CXCL11: variants seen among roughly 807,000 people sequenced by gnomAD.
CXCL11 encodes C-X-C motif chemokine 11.
In CXCL11, 7 loss-of-function variants were observed where a neutral mutation model predicts 9.7. That is an observed-to-expected ratio of 0.72 (90% CI 0.41 to 1.36). The LOEUF is 1.36. Among genes scored for constraint, CXCL11 ranks in the 40% most tolerant of loss-of-function variants. CXCL11 has a pLI of 0.01. For synonymous variants in CXCL11, 35 were observed against 34.4 expected (o/e 1.02, Z -0.06); for missense variants, 107 against 113.4 (o/e 0.94, Z 0.26).
intron 1 of CXCL11, 113 bp from the exon 2 acceptor site, chr4:76,035,455 T>G: frequency 9.4e-7 from 1 of 1,061,278 alleles, no homozygotes; most frequent in East Asian, 2.6e-5. Flanking sequence ...AGATAGTAAT[T>G]TGTCAAATAG....
rs773420418 is a variant in CXCL11, at chr4:76,035,278, C to T, written c.126G>A (p.Val42=). Residue 42 remains valine, a synonymous_variant, in exon 2 of 4, where the codon GTG becomes GTA. Coordinates refer to ENST00000306621, the MANE Select transcript of CXCL11 (RefSeq NM_005409.5). ...CIGPGVKAVK[V]ADIEKASIMY... is the part of the protein sequence containing the mutation. The stretch of plus-strand genomic sequence containing the variant: ...TTATGGAGGCTTTCTCAATATCTGC[C>T]ACTTTCACTGCTTTTACCCCAGGGC... 40 of 1,613,940 alleles carry T rather than the reference C, an allele frequency of 2.5e-5. No homozygotes were observed. Among genetic ancestry groups the T allele is most frequent in the Non-Finnish European group, 3.3e-5 (39 of 1,179,942 alleles).
In CXCL11 at chr4:76,034,811, A is replaced by G. The variant is rs779814819; in HGVS notation, c.267T>C (p.Val89=). ...GATATTTTTAAAAATTCTTTCTTTC[A>G]ACTTTCTGGAATAAGAAAACAAGAG... The part of the protein sequence containing the change: ...SKQARLIIKK[V]ERKNF The change falls in exon 4 of 4, where the codon GTT becomes GTC. Residue 89 remains valine, a synonymous_variant. Transcript: ENST00000306621. 3.9e-6 allele frequency: 6 copies of G among 1,554,420 alleles called. No individual in the cohort carries two copies. The South Asian group carries it at 6.8e-5, about 18-fold the overall frequency.
intron 3 of CXCL11, 104 bp from the exon 4 acceptor site, chr4:76,034,920 C>T (rs1421111156): frequency 2.2e-6 from 3 of 1,341,148 alleles, no homozygotes; most frequent in East Asian, 4.6e-5. Flanking sequence ...AACCAAGGAC[C>T]CCTTAACAGA....
At chr4:76,035,513 T>C (rs2149407469) in intron 1 of CXCL11, among the ~76,000 whole-genome samples, 171 bp from the exon 2 acceptor site, 1 of 152,340 alleles carries the variant, frequency 6.6e-6, no homozygotes, top group Non-Finnish European at 1.5e-5. Context: ...ATGTTGATTA[T>C]TTTCTCATTA....
At chr4:76,035,848 TA>T in intron 1 of CXCL11, 78 bp downstream of exon 1, 1 of 1,281,134 alleles carries the variant, frequency 7.8e-7, no homozygotes, top group Admixed American at 1.9e-5. Context: ...TCATGTCTTT[TA>T]GGATAAAAGT....
In CXCL11 at chr4:76,035,054, A is replaced by T. The variant is rs780541047; in HGVS notation, c.254T>A (p.Ile85Lys). The T allele has an allele frequency of 2.5e-6, 4 of 1,612,972 alleles. No individual in the cohort carries two copies. The highest frequency in any genetic ancestry group is 3.4e-6 in the Non-Finnish European group (4 of 1,178,980). Residue 85 changes from isoleucine to lysine, a missense_variant, in exon 3 of 4, where the codon ATA (isoleucine) becomes AAA (lysine). Coordinates refer to ENST00000306621, the MANE Select transcript of CXCL11 (RefSeq NM_005409.5). ...AGTAATTTGGTAACTTACTTTGATT[A>T]TAAGCCTTGCTTGCTTCGATTTGGG... ...LNPKSKQARL[I>K]IKKVERKNF
Position 76,035,072 on chromosome 4 carries a change from G to T in CXCL11, c.236C>A (p.Ser79Ter). ...TTTGATTATAAGCCTTGCTTGCTTC[G>T]ATTTGGGATTTAGGCATCGTTGTCC... is the stretch of plus-strand genomic sequence containing the variant. ...NKGQRCLNPK[S>*]KQARLIIKKV... The change falls in exon 3 of 4, where the codon TCG (serine) becomes TAG (stop). Residue 79 changes from serine (S) to a stop codon, truncating the protein, a stop_gained. Coordinates refer to ENST00000306621, the MANE Select transcript of CXCL11 (RefSeq NM_005409.5). LOFTEE classifies it high-confidence loss of function. 6.2e-7 allele frequency: 1 copy of T among 1,613,668 alleles called. No individual in the cohort carries two copies. The highest frequency in any genetic ancestry group is 8.5e-7 in the Non-Finnish European group (1 of 1,179,622).
Position 76,034,740 on chromosome 4 carries a change from T to C in CXCL11, c.*53A>G. ...TCATTTCAGTAGTCACAGTTAAACTTGTTCTAGGTTTTTCAGATGCTCTTT... is the reference window on the plus strand; with the variant it reads ...TCATTTCAGTAGTCACAGTTAAACTCGTTCTAGGTTTTTCAGATGCTCTTT... On this transcript the variant is annotated 3_prime_UTR_variant, in exon 4 of 4. Coordinates refer to ENST00000306621, the MANE Select transcript of CXCL11 (RefSeq NM_005409.5). 1 of 1,320,392 alleles carries C rather than the reference T, an allele frequency of 7.6e-7. No homozygotes were observed. The highest frequency in any genetic ancestry group is 1.1e-6 in the Non-Finnish European group (1 of 930,326). 81.8% of individuals were successfully genotyped at this position (1,320,392 alleles called of 1,614,324 possible).
chr4:76,036,041 C>A lies in CXCL11; in HGVS notation c.-54G>T. 1 of 1,556,626 alleles carries A rather than the reference C, an allele frequency of 6.4e-7. No individual in the cohort carries two copies. The highest frequency in any genetic ancestry group is 8.8e-7 in the Non-Finnish European group (1 of 1,130,128). On this transcript the variant is annotated 5_prime_UTR_variant, in exon 1 of 4. Coordinates refer to ENST00000306621, the MANE Select transcript of CXCL11 (RefSeq NM_005409.5). ...TGCTGCTGCTACTTCAGCTTTGCTG[C>A]TCTTCTTGGAAGGAGTAGAAATGCT...
In CXCL11 at chr4:76,034,108, C is replaced by A; in HGVS notation, c.*685G>T. 1 of 214,060 alleles carries A rather than the reference C, an allele frequency of 4.7e-6. No homozygotes were observed. Among genetic ancestry groups the A allele is most frequent in the Non-Finnish European group, 9.1e-6 (1 of 109,960 alleles). The allele number at this position is 214,060 out of a possible 1,614,324, so 13.3% of individuals were successfully genotyped here. A position where few individuals can be genotyped will look rare whatever the true frequency, so the allele number is the denominator to read the frequency against. On this transcript the variant is annotated 3_prime_UTR_variant, in exon 4 of 4. Transcript: ENST00000306621. ...GTATCCCATAGCGTATAATTTTTTT[C>A]ATAGTACATTTTATGAATTACATTT... is the stretch of plus-strand genomic sequence containing the variant.
rs752489277 is a variant in CXCL11, at chr4:76,036,001, TG to T, written c.-15del. 26 of 1,613,290 alleles carry T rather than the reference TG, an allele frequency of 1.6e-5. No homozygotes were observed. The highest frequency in any genetic ancestry group is 6.7e-5 in the Admixed American group (4 of 59,878). ...CTTCACACTCATGTTTGTTTTTTGC[TG>T]TTGCTGCTGGTGCTGCTGCTGCTAC... On this transcript the variant is annotated 5_prime_UTR_variant, in exon 1 of 4. Transcript: ENST00000306621.
chr4:76,034,098 T>C lies in CXCL11; in HGVS notation c.*695A>G, dbSNP rs1163166771. The C allele has an allele frequency of 1.5e-5, 3 of 201,346 alleles. No individual in the cohort carries two copies. The highest frequency in any genetic ancestry group is 3.0e-5 in the Non-Finnish European group (3 of 101,550). The allele number at this position is 201,346 out of a possible 1,614,324, so 12.5% of individuals were successfully genotyped here. ...ACTTTTGCCAGTATCCCATAGCGTATAATTTTTTTCATAGTACATTTTATG... is the reference window on the plus strand; with the variant it reads ...ACTTTTGCCAGTATCCCATAGCGTACAATTTTTTTCATAGTACATTTTATG... On this transcript the variant is annotated 3_prime_UTR_variant, in exon 4 of 4. Transcript: ENST00000306621.
At chr4:76,035,484 C>G in intron 1 of CXCL11, 142 bp from the exon 2 acceptor site, 3 of 731,946 alleles carry the variant, frequency 4.1e-6, no homozygotes, top group Non-Finnish European at 6.4e-6. Flanking sequence ...ACAACTGTTA[C>G]TGGGAAAAGT....
chr4:76,035,876 G>T, intron 1 of CXCL11, 51 bp downstream of exon 1: 1 of 1,492,474 alleles, frequency 6.7e-7, no homozygotes, highest in Non-Finnish European at 9.3e-7. Flanking sequence ...AAAGACATTT[G>T]AAACATTAGA....
rs1162128182 is a variant in CXCL11 at position 76,035,970 on chromosome 4, C to CA, written c.17dup (p.Met6IlefsTer41). On this transcript the variant is annotated frameshift_variant, in exon 1 of 4. Coordinates refer to ENST00000306621, the MANE Select transcript of CXCL11 (RefSeq NM_005409.5). LOFTEE classifies it high-confidence loss of function. ...ACAATATCACAGCCAAGGCTATAGC[C>CA]ATGCCCTTCACACTCATGTTTGTTT... The CA allele has an allele frequency of 2.5e-6, 4 of 1,613,822 alleles. No homozygotes were observed. The African/African-American group carries it at 5.3e-5, about 22-fold the overall frequency.
Position 76,035,966 on chromosome 4 carries a change from T to C in CXCL11, c.22A>G (p.Ile8Val). ...GCACACAATATCACAGCCAAGGCTA[T>C]AGCCATGCCCTTCACACTCATGTTT... The part of the protein sequence containing the change: MSVKGMA[I>V]ALAVILCATV... Residue 8 changes from isoleucine to valine, a missense_variant, in exon 1 of 4, where the codon ATA becomes GTA. Coordinates refer to ENST00000306621, the MANE Select transcript of CXCL11 (RefSeq NM_005409.5). 6.2e-7 allele frequency: 1 copy of C among 1,614,034 alleles called. No homozygotes were observed. Among genetic ancestry groups the C allele is most frequent in the Non-Finnish European group, 8.5e-7 (1 of 1,179,940 alleles).
intron 3 of CXCL11, 51 bp downstream of exon 3, chr4:76,034,996 A>T (rs751650301): frequency 1.3e-6 from 2 of 1,523,558 alleles, no homozygotes; most frequent in Admixed American, 3.4e-5. Flanking sequence ...TTTTCAAAAG[A>T]TCTGTCTTGG....
At chr4:76,035,766 T>A (rs1386602961) in intron 1 of CXCL11, among the ~76,000 whole-genome samples, 161 bp downstream of exon 1, 2 of 152,270 alleles carry the variant, frequency 1.3e-5, no homozygotes, top group Non-Finnish European at 2.9e-5. Flanking sequence ...ATCTCTAGTA[T>A]CTTAAACATG....
At chr4:76,035,375 A>G (rs4859415) in intron 1 of CXCL11, 33 bp from the exon 2 acceptor site, 893,072 of 1,604,092 alleles carry the variant, frequency 0.56, 256,239 homozygotes, top group East Asian at 0.94. Flanking sequence ...TTAGTAATGC[A>G]TCTGATTGCA....
Sources: gnomAD v4.1 joint callset for allele counts (sites outside exome capture counted in the v4.1 genomes callset) on GRCh38, gnomAD v4.1.1 for gene constraint, MANE v1.5 for transcripts, NCBI Gene and HGNC (gene_info 2026-07-23, HGNC 2026-07-21) for gene names.